The following SNCAIP variants were observed in gnomAD, a reference collection of about 807,000 sequenced individuals.
The protein encoded by SNCAIP is synuclein alpha interacting protein.
SNCAIP carries 43 observed loss-of-function variants against 86.7 expected under a neutral mutation model. The ratio of observed to expected loss-of-function variants is 0.50; its 90% CI spans 0.39 to 0.64. The LOEUF (loss-of-function observed/expected upper bound fraction) is 0.64. Ranked by LOEUF, SNCAIP falls within the 30% of genes least tolerant of loss-of-function variation. The pLI, the probability that SNCAIP is intolerant of heterozygous loss-of-function variation, is 0.00. For missense variants in SNCAIP, 981 were observed against 1,103.1 expected, an observed-to-expected ratio of 0.89 and a Z score of 1.57; for synonymous variants, 417 against 427.2, an observed-to-expected ratio of 0.98 and a Z score of 0.29.
intron 1 of SNCAIP, among the ~76,000 whole-genome samples, chr5:122,382,592 G>A (rs1403838040): frequency 2.6e-5 from 4 of 152,170 alleles, no homozygotes; most frequent in Non-Finnish European, 5.9e-5. Context: ...GTGAGGAACT[G>A]CGTTCCTTTG....
intron 10 of SNCAIP, among the ~76,000 whole-genome samples, chr5:122,461,859 G>A (rs567690614): frequency 1.3e-5 from 2 of 152,034 alleles, no homozygotes; most frequent in East Asian, 3.9e-4. Context: ...GGTAGAGACA[G>A]GGTTTCGCCA....
chr5:122,378,925 C>T (rs1766008505), intron 1 of SNCAIP, among the ~76,000 whole-genome samples: 1 of 143,540 alleles, frequency 7.0e-6, no homozygotes, highest in East Asian at 2.1e-4. Flanking sequence ...CAGTACCATG[C>T]TGTTTTGGTA....
chr5:122,324,267 T>C (rs1753567985), intron 1 of SNCAIP, among the ~76,000 whole-genome samples: 1 of 152,162 alleles, frequency 6.6e-6, no homozygotes, highest in South Asian at 2.1e-4. Flanking sequence ...AATTATATCC[T>C]ACATCCAAGC....
chr5:122,356,547 C>G (rs1182471957), intron 1 of SNCAIP, among the ~76,000 whole-genome samples: 2 of 152,214 alleles, frequency 1.3e-5, no homozygotes, highest in Admixed American at 6.5e-5. Context: ...ACACATGTAC[C>G]TCCATGCTTC....
intron 8 of SNCAIP, among the ~76,000 whole-genome samples, chr5:122,447,033 T>G (rs1328688597): frequency 6.6e-6 from 1 of 152,176 alleles, no homozygotes; most frequent in African/African-American, 2.4e-5. Context: ...GTCATTAGGA[T>G]GGGTCCTACT....
At chr5:122,385,808 C>A (rs902665650) in intron 1 of SNCAIP, among the ~76,000 whole-genome samples, 1 of 152,044 alleles carries the variant, frequency 6.6e-6, no homozygotes, top group Non-Finnish European at 1.5e-5. Flanking sequence ...TACCTCATCA[C>A]CGAATGTACT....
rs79982456 is a variant in SNCAIP at position 122,400,666 on chromosome 5, T to A, written c.58-3127T>A. 8.4e-3 allele frequency among the ~76,000 whole-genome samples: 1,272 copies of A among 152,292 alleles called. 21 individuals carry two copies. Among genetic ancestry groups the A allele is most frequent in the African/African-American group, 0.029 (1,199 of 41,562 alleles). ...GCAGAACACAGCTGGCCTTGCCTTG[T>A]GAAATGGTGGCATTTGCCTGGCTAG... is the stretch of plus-strand genomic sequence containing the variant. On this transcript the variant is annotated intron_variant, in intron 2 of 10. Coordinates refer to ENST00000261368, the MANE Select transcript of SNCAIP (RefSeq NM_005460.4).
intron 1 of SNCAIP, among the ~76,000 whole-genome samples, chr5:122,361,255 C>T (rs1360601223): frequency 6.6e-6 from 1 of 150,626 alleles, no homozygotes; most frequent in Admixed American, 6.6e-5. Context: ...TCAGATCATA[C>T]TCTTATGAAG....
Position 122,431,965 on chromosome 5 carries a change from C to G in SNCAIP, c.1183-4C>G. 1 of 1,461,902 alleles carries G rather than the reference C, an allele frequency of 6.8e-7. No individual in the cohort carries two copies. The highest frequency in any genetic ancestry group is 1.1e-5 in the South Asian group (1 of 87,756). The allele number at this position is 1,461,902 out of a possible 1,614,324, so 90.6% of individuals were successfully genotyped here. A position where few individuals can be genotyped will look rare whatever the true frequency, so the allele number is the denominator to read the frequency against. On this transcript the variant is annotated splice_polypyrimidine_tract_variant and splice_region_variant and intron_variant, in intron 5 of 10. Transcript: ENST00000261368. ...TCCATCTCCCTTTCTTTTTTAAAAC[C>G]TAGAATGGTCAGTTGGAGTGCGTAC...
intron 6 of SNCAIP, among the ~76,000 whole-genome samples, chr5:122,439,339 A>G (rs1313661698): frequency 6.6e-6 from 1 of 152,124 alleles, no homozygotes; most frequent in African/African-American, 2.4e-5. Context: ...TTTGCAGTTA[A>G]CACTCACCCT....
At chr5:122,343,680 A>C (rs1280058850) in intron 1 of SNCAIP, among the ~76,000 whole-genome samples, 3 of 152,048 alleles carry the variant, frequency 2.0e-5, no homozygotes, top group African/African-American at 7.2e-5. Flanking sequence ...GGTCCTACTG[A>C]CCCTTTGGAT....
At chr5:122,423,765 A>T in intron 4 of SNCAIP, 26 bp downstream of exon 4, 1 of 1,580,774 alleles carries the variant, frequency 6.3e-7, no homozygotes, top group Non-Finnish European at 8.6e-7. Context: ...TTCAGTATAC[A>T]TGTCAATAGA....
At chr5:122,394,945 A>G (rs1340252488) in intron 2 of SNCAIP, among the ~76,000 whole-genome samples, 2 of 152,176 alleles carry the variant, frequency 1.3e-5, no homozygotes, top group Non-Finnish European at 2.9e-5. Flanking sequence ...CTTGTCTGAC[A>G]TTCACAAGGT....
chr5:122,402,799 TCC>T (rs1303889262), intron 2 of SNCAIP, among the ~76,000 whole-genome samples: 6 of 152,160 alleles, frequency 3.9e-5, no homozygotes, highest in African/African-American at 1.4e-4. Flanking sequence ...TTTTTCTCAA[TCC>T]CCCCAAATTT....
chr5:122,437,139 CACTG>C (rs1241013108), intron 6 of SNCAIP: 4 of 152,216 alleles, frequency 2.6e-5, no homozygotes, highest in Admixed American at 6.5e-5. Flanking sequence ...CATGTAGATA[CACTG>C]ACTGAGAGAA....
chr5:122,382,458 A>G (rs1183311447), intron 1 of SNCAIP, among the ~76,000 whole-genome samples: 2 of 152,068 alleles, frequency 1.3e-5, no homozygotes, highest in African/African-American at 4.8e-5. Context: ...ATTGTTTTCA[A>G]AGTTTTCAAC....
chr5:122,459,665 G>A (rs1785645593), intron 10 of SNCAIP, among the ~76,000 whole-genome samples: 1 of 152,112 alleles, frequency 6.6e-6, no homozygotes, highest in African/African-American at 2.4e-5. Flanking sequence ...TCATTTTAGT[G>A]TTTTTGACCA....
intron 1 of SNCAIP, among the ~76,000 whole-genome samples, chr5:122,333,835 A>G (rs1236667216): frequency 6.6e-6 from 1 of 152,174 alleles, no homozygotes; most frequent in Admixed American, 6.5e-5. Context: ...GCAATAGACT[A>G]CCCATGCTAG....
At chr5:122,363,448 C>T (rs1170560786) in intron 1 of SNCAIP, among the ~76,000 whole-genome samples, 3 of 152,116 alleles carry the variant, frequency 2.0e-5, no homozygotes, top group African/African-American at 7.2e-5. Flanking sequence ...CTCCTAAGGC[C>T]TTGTGTAAGG....
Sources: allele counts gnomAD v4.1 joint callset (sites outside exome capture counted in the v4.1 genomes callset), GRCh38; gene constraint gnomAD v4.1.1; transcripts MANE v1.5; gene names NCBI Gene and HGNC (gene_info 2026-07-23, HGNC 2026-07-21).